TOP1: variants seen among roughly 807,000 people sequenced by gnomAD.
The protein encoded by TOP1 is DNA topoisomerase 1.
In TOP1, 10 loss-of-function variants were observed where a neutral mutation model predicts 111.1. That is an observed-to-expected ratio of 0.09 (90% CI 0.06 to 0.15). The LOEUF is 0.15. TOP1 is among the 10% of genes least tolerant of loss of function. TOP1 has a pLI of 1.00. For missense variants in TOP1, 474 were observed against 926.7 expected, an observed-to-expected ratio of 0.51 and a Z score of 6.34; for synonymous variants, 271 against 302.9, an observed-to-expected ratio of 0.89 and a Z score of 1.10.
rs1183081567 is a variant in TOP1, at chr20:41,101,236, A to T, written c.1191A>T (p.Pro397=). The part of the protein sequence containing the change: ...SKDAKVPSPP[P]GHKWKEVRHD... Reference sequence around the variant, plus strand: ...ATGCCAAGGTTCCTTCTCCTCCTCCAGGACATAAGTGGAAAGAAGTCCGGC... The same window carrying T: ...ATGCCAAGGTTCCTTCTCCTCCTCCTGGACATAAGTGGAAAGAAGTCCGGC... Residue 397 remains proline, a synonymous_variant, in exon 13 of 21, where the codon CCA becomes CCT. Transcript: ENST00000361337. This position sits in a 1 kb window ranked among gnomAD's most constrained non-coding sequence, Gnocchi z 4.1. 1 of 1,614,100 alleles carries T rather than the reference A, an allele frequency of 6.2e-7. No individual in the cohort carries two copies. The highest frequency in any genetic ancestry group is 8.5e-7 in the Non-Finnish European group (1 of 1,179,950).
intron 3 of TOP1, among the ~76,000 whole-genome samples, chr20:41,065,987 T>G (rs1260713555): frequency 6.6e-6 from 1 of 152,226 alleles, no homozygotes; most frequent in African/African-American, 2.4e-5. Context: ...AGATAACCTT[T>G]GACCGTGAAC....
intron 2 of TOP1, among the ~76,000 whole-genome samples, chr20:41,044,944 C>A (rs2033315135): frequency 6.6e-6 from 1 of 152,124 alleles, no homozygotes; most frequent in African/African-American, 2.4e-5. Context: ...TGGGCCACCA[C>A]GCTCAGCCAG....
At chr20:41,049,120 G>A (rs553050962) in intron 2 of TOP1, among the ~76,000 whole-genome samples, 2 of 152,310 alleles carry the variant, frequency 1.3e-5, no homozygotes, top group East Asian at 1.9e-4. Context: ...TAAAGTAGAC[G>A]AATAGCCTCC....
At position 41,029,509 on chromosome 20, in the gene TOP1, C is replaced by A; in HGVS notation, c.58+54C>A. 1 of 1,459,778 alleles carries A rather than the reference C, an allele frequency of 6.9e-7. No homozygotes were observed. Among genetic ancestry groups the A allele is most frequent in the Non-Finnish European group, 9.4e-7 (1 of 1,066,758 alleles). 90.4% of individuals were successfully genotyped at this position (1,459,778 alleles called of 1,614,324 possible). A position where few individuals can be genotyped will look rare whatever the true frequency, so the allele number is the denominator to read the frequency against. On this transcript the variant is annotated intron_variant, in intron 2 of 20. Transcript: ENST00000361337. The surrounding 1 kb of genome is among the most constrained non-coding windows in gnomAD (Gnocchi z 6.1). ...GGCCCCCCAGCCGCCGGCCGCCTCC[C>A]CCGCGCCCTGCCGGTGCCGGGCAGA...
chr20:41,098,158 G>C lies in TOP1; in HGVS notation c.853-57G>C, dbSNP rs2034008373. 3 of 1,581,264 alleles carry C rather than the reference G, an allele frequency of 1.9e-6. No individual in the cohort carries two copies. In the South Asian group the frequency reaches 3.3e-5, roughly 18 times the overall value. On this transcript the variant is annotated intron_variant, in intron 10 of 20. Coordinates refer to ENST00000361337, the MANE Select transcript of TOP1 (RefSeq NM_003286.4). The surrounding 1 kb of genome is among the most constrained non-coding windows in gnomAD (Gnocchi z 5.7). ...GGGTGTATTTGCAAAGAAACCCAAG[G>C]ACTTATTAGTGTATTTTCGTTGTTT...
intron 3 of TOP1, among the ~76,000 whole-genome samples, chr20:41,075,776 T>C (rs545288682): frequency 1.3e-5 from 2 of 152,334 alleles, no homozygotes; most frequent in East Asian, 1.9e-4. Context: ...ATGTGTGGTA[T>C]GTTTCAAGTC....
intron 2 of TOP1, among the ~76,000 whole-genome samples, chr20:41,052,023 A>G (rs1401726973): frequency 6.6e-6 from 1 of 152,030 alleles, no homozygotes; most frequent in African/African-American, 2.4e-5. Context: ...AATCACTGAA[A>G]TTTTCTGAGC....
In TOP1 at chr20:41,058,897, G is replaced by A. The variant is rs114965684; in HGVS notation, c.59-2497G>A. On this transcript the variant is annotated intron_variant, in intron 2 of 20. Coordinates refer to ENST00000361337, the MANE Select transcript of TOP1 (RefSeq NM_003286.4). The surrounding 1 kb of genome is among the most constrained non-coding windows in gnomAD (Gnocchi z 4.2). ...TAATGCTAGGCTATTCACAGTAGCA[G>A]AAACATGGAATCAACCTCAATTTTC... Among the ~76,000 whole-genome samples the A allele has an allele frequency of 2.2e-3, 328 of 152,164 alleles. 1 individual carries two copies. The highest frequency in any genetic ancestry group is 6.5e-3 in the African/African-American group (269 of 41,518).
chr20:41,042,651 C>T (rs954429199), intron 2 of TOP1, among the ~76,000 whole-genome samples: 8 of 152,306 alleles, frequency 5.3e-5, no homozygotes, highest in Middle Eastern at 6.8e-3. Context: ...GTATAGTTGA[C>T]GCTTGAACAA....
chr20:41,084,171 T>TGGA (rs765520636), intron 7 of TOP1, among the ~76,000 whole-genome samples: 4 of 152,124 alleles, frequency 2.6e-5, no homozygotes, highest in Non-Finnish European at 5.9e-5. Context: ...AGCAGTACTT[T>TGGA]TCCAAACTCC....
chr20:41,116,947 AG>A lies in TOP1; in HGVS notation c.1822+556del, dbSNP rs2034339959. Among the ~76,000 whole-genome samples the A allele has an allele frequency of 6.6e-6, 1 of 152,210 alleles. No homozygotes were observed. Among genetic ancestry groups the A allele is most frequent in the African/African-American group, 2.4e-5 (1 of 41,450 alleles). On this transcript the variant is annotated intron_variant, in intron 17 of 20. Transcript: ENST00000361337. The surrounding 1 kb of genome is among the most constrained non-coding windows in gnomAD (Gnocchi z 5.6). The stretch of plus-strand genomic sequence containing the variant: ...ATGGCCTTAGAATATGAACCAGAAA[AG>A]CCAGAGGTAGGTATGTTGAGGGTCA...
rs1239218062 is a variant in TOP1, at chr20:41,118,573, C to T, written c.1950+277C>T. ...CTAACTTTGGTGTACATTCTAATTG[C>T]TAATTACTGTCCTTATTGTACATGA... On this transcript the variant is annotated intron_variant, in intron 18 of 20. Coordinates refer to ENST00000361337, the MANE Select transcript of TOP1 (RefSeq NM_003286.4). This position sits in a 1 kb window ranked among gnomAD's most constrained non-coding sequence, Gnocchi z 4.6. Among the ~76,000 whole-genome samples the T allele has an allele frequency of 2.0e-5, 3 of 152,308 alleles. No individual in the cohort carries two copies. Among genetic ancestry groups the T allele is most frequent in the Admixed American group, 2.0e-4 (3 of 15,298 alleles).
At chr20:41,089,222 C>T (rs1387420583) in intron 8 of TOP1, among the ~76,000 whole-genome samples, 2 of 151,982 alleles carry the variant, frequency 1.3e-5, no homozygotes, top group African/African-American at 4.8e-5. Flanking sequence ...GACGGGGTTT[C>T]GCCATGTTGG....
chr20:41,066,344 C>T (rs2145929506), intron 3 of TOP1, among the ~76,000 whole-genome samples: 1 of 151,862 alleles, frequency 6.6e-6, no homozygotes. Context: ...GTTACTTAAC[C>T]TTCTTCAACT....
rs1275330847 is a variant in TOP1 at position 41,114,219 on chromosome 20, C to T, written c.1638+64C>T. ...TTATTCAACAAGCATGGGTTGACTG[C>T]TTTTTTGTGTGCTTTGCACTTTGCT... On this transcript the variant is annotated intron_variant, in intron 15 of 20. Coordinates refer to ENST00000361337, the MANE Select transcript of TOP1 (RefSeq NM_003286.4). The surrounding 1 kb of genome is among the most constrained non-coding windows in gnomAD (Gnocchi z 4.5). 1.9e-5 allele frequency: 27 copies of T among 1,440,538 alleles called. No individual in the cohort carries two copies. Among genetic ancestry groups the T allele is most frequent in the Non-Finnish European group, 2.6e-5 (27 of 1,045,502 alleles). 89.2% of individuals were successfully genotyped at this position (1,440,538 alleles called of 1,614,324 possible). A position where few individuals can be genotyped will look rare whatever the true frequency, so the allele number is the denominator to read the frequency against.
rs899867938 is a variant in TOP1 at position 41,092,298 on chromosome 20, G to C, written c.615-174G>C. On this transcript the variant is annotated intron_variant, in intron 8 of 20. Coordinates refer to ENST00000361337, the MANE Select transcript of TOP1 (RefSeq NM_003286.4). This position sits in a 1 kb window ranked among gnomAD's most constrained non-coding sequence, Gnocchi z 4.3. ...TATTTCATCTTACTTGTGAGCGTTG[G>C]CTTTTTCAAAATGAGAGACACTGGT... Among the ~76,000 whole-genome samples the C allele has an allele frequency of 2.6e-5, 4 of 152,270 alleles. No homozygotes were observed. The East Asian group carries it at 5.8e-4, about 22-fold the overall frequency.
At chr20:41,087,150 A>G (rs2033859362) in intron 8 of TOP1, among the ~76,000 whole-genome samples, 1 of 152,126 alleles carries the variant, frequency 6.6e-6, no homozygotes, top group Admixed American at 6.5e-5. Flanking sequence ...TCTGATCTTT[A>G]TCTCCCTCCT....
At chr20:41,091,760 T>C (rs915677130) in intron 8 of TOP1, among the ~76,000 whole-genome samples, 4 of 151,990 alleles carry the variant, frequency 2.6e-5, no homozygotes, top group Admixed American at 2.6e-4. Context: ...TTTCACCACA[T>C]TGCCCAGGCT....
chr20:41,088,863 A>G (rs1398169740), intron 8 of TOP1, among the ~76,000 whole-genome samples: 1 of 152,088 alleles, frequency 6.6e-6, no homozygotes, highest in African/African-American at 2.4e-5. Flanking sequence ...TACATATGAC[A>G]TAACATTTAT....
Sources: allele counts gnomAD v4.1 joint callset (sites outside exome capture counted in the v4.1 genomes callset), GRCh38; gene constraint gnomAD v4.1.1; non-coding constraint Gnocchi (gnomAD v3.1); transcripts MANE v1.5; gene names NCBI Gene and HGNC (gene_info 2026-07-23, HGNC 2026-07-21).